The following PLCB4 variants were observed in gnomAD, a reference collection of about 807,000 sequenced individuals.
PLCB4 encodes phospholipase C beta 4.
In PLCB4, 77 loss-of-function variants were observed where a neutral mutation model predicts 178.8. That is an observed-to-expected ratio of 0.43 (90% CI 0.36 to 0.52). PLCB4 has a LOEUF of 0.52. Among genes scored for constraint, PLCB4 ranks in the 20% least tolerant of loss-of-function variants. The probability of loss-of-function intolerance (pLI) is 0.00; values close to 1 mark genes in which losing one functional copy is unlikely to be tolerated. For missense variants in PLCB4, 1,024 were observed against 1,453.4 expected, an observed-to-expected ratio of 0.70 and a Z score of 4.80; for synonymous variants, 496 against 490.8, an observed-to-expected ratio of 1.01 and a Z score of -0.14.
In PLCB4 at chr20:9,153,853, A is replaced by C. The variant is rs74771003; in HGVS notation, c.-79+57511A>C. Among the ~76,000 whole-genome samples, 5 of 152,312 alleles carry C rather than the reference A, an allele frequency of 3.3e-5. No individual in the cohort carries two copies. In the East Asian group the frequency reaches 9.7e-4, roughly 29 times the overall value. ...ATAATCAACCAAAATTTTGCAAACA[A>C]GGTGGGCATTTAGGTATGTAGGTGT... On this transcript the variant is annotated intron_variant, in intron 2 of 39. Transcript: ENST00000378473.
chr20:9,121,139 T>C (rs2091951947), intron 2 of PLCB4, among the ~76,000 whole-genome samples: 1 of 152,038 alleles, frequency 6.6e-6, no homozygotes, highest in Non-Finnish European at 1.5e-5. Flanking sequence ...TACCTGTCAA[T>C]TTCCAGAAGG....
At chr20:9,312,397 C>CACAT (rs57947190) in intron 4 of PLCB4, among the ~76,000 whole-genome samples, 1 of 149,354 alleles carries the variant, frequency 6.7e-6, no homozygotes, top group Non-Finnish European at 1.5e-5. Flanking sequence ...CACACACACA[C>CACAT]GCACGCACTC....
At chr20:9,309,178 A>T (rs2094803143) in intron 4 of PLCB4, among the ~76,000 whole-genome samples, 1 of 152,168 alleles carries the variant, frequency 6.6e-6, no homozygotes. Flanking sequence ...GCTCCTGCTT[A>T]ATTACCTCAC....
rs541271998 is a variant in PLCB4, at chr20:9,365,575, A to C, written c.503+61A>C. 30 of 930,678 alleles carry C rather than the reference A, an allele frequency of 3.2e-5. No individual in the cohort carries two copies. The South Asian group carries it at 3.9e-4, about 12-fold the overall frequency. The allele number at this position is 930,678 out of a possible 1,614,324, so 57.7% of individuals were successfully genotyped here. ...GGTCAACGCTTGTCATCCCAAACCA[A>C]AGAGAGAACCCTTCACAAGTATTTG... On this transcript the variant is annotated intron_variant, in intron 9 of 39. Coordinates refer to ENST00000378473, the MANE Select transcript of PLCB4 (RefSeq NM_001377142.1).
chr20:9,221,837 T>G (rs2093802398), intron 3 of PLCB4, among the ~76,000 whole-genome samples: 2 of 152,262 alleles, frequency 1.3e-5, no homozygotes, highest in South Asian at 4.1e-4. Flanking sequence ...TGTGATTGTA[T>G]GATTGGAGAT....
intron 2 of PLCB4, among the ~76,000 whole-genome samples, chr20:9,155,796 A>C (rs2092777407): frequency 1.3e-5 from 2 of 152,120 alleles, no homozygotes; most frequent in South Asian, 4.1e-4. Context: ...TCTGTAGCTA[A>C]ACTCCCAGGG....
At chr20:9,452,345 G>A (rs540854016) in intron 32 of PLCB4, among the ~76,000 whole-genome samples, 8 of 152,238 alleles carry the variant, frequency 5.3e-5, no homozygotes, top group South Asian at 2.1e-4. Context: ...TTAAATTAAG[G>A]CACTATTTTC....
chr20:9,187,932 A>G (rs900684304), intron 2 of PLCB4, among the ~76,000 whole-genome samples: 7 of 152,200 alleles, frequency 4.6e-5, no homozygotes, highest in African/African-American at 1.7e-4. Context: ...TTAATACAAA[A>G]TGGGTTATAA....
At chr20:9,359,281 G>A (rs2035114011) in intron 7 of PLCB4, among the ~76,000 whole-genome samples, 1 of 152,228 alleles carries the variant, frequency 6.6e-6, no homozygotes, top group East Asian at 1.9e-4. Context: ...AGTTGGACAG[G>A]GCCTGGGGTG....
chr20:9,320,876 CT>C (rs2094952099), intron 4 of PLCB4, among the ~76,000 whole-genome samples: 1 of 152,104 alleles, frequency 6.6e-6, no homozygotes, highest in African/African-American at 2.4e-5. Flanking sequence ...ATCAGAAACT[CT>C]GGGGGGAGGG....
At chr20:9,187,606 T>G (rs1207039035) in intron 2 of PLCB4, among the ~76,000 whole-genome samples, 1 of 152,220 alleles carries the variant, frequency 6.6e-6, no homozygotes, top group African/African-American at 2.4e-5. Flanking sequence ...GAAACATTAC[T>G]GGTTGAATGG....
chr20:9,223,970 TG>T (rs2093831722), intron 3 of PLCB4, among the ~76,000 whole-genome samples: 1 of 152,198 alleles, frequency 6.6e-6, no homozygotes, highest in Non-Finnish European at 1.5e-5. Flanking sequence ...TTCCTCAGAA[TG>T]GGATACAATT....
intron 3 of PLCB4, among the ~76,000 whole-genome samples, chr20:9,246,347 C>T (rs1023013623): frequency 1.3e-5 from 2 of 152,116 alleles, no homozygotes; most frequent in African/African-American, 2.4e-5. Flanking sequence ...TTGCACCAAC[C>T]TAATAGTTCT....
At chr20:9,323,894 C>T (rs1450727762) in intron 4 of PLCB4, among the ~76,000 whole-genome samples, 1 of 152,166 alleles carries the variant, frequency 6.6e-6, no homozygotes, top group African/African-American at 2.4e-5. Flanking sequence ...GAGACAATTC[C>T]TCCCCAGTTC....
intron 7 of PLCB4, among the ~76,000 whole-genome samples, chr20:9,341,551 C>T (rs537177117): frequency 6.6e-5 from 10 of 151,842 alleles, no homozygotes; most frequent in East Asian, 3.9e-4. Context: ...ATCATCCTCA[C>T]GTTGAGTAAG....
intron 3 of PLCB4, among the ~76,000 whole-genome samples, chr20:9,238,328 A>G (rs768971991): frequency 3.3e-5 from 5 of 152,224 alleles, no homozygotes; most frequent in African/African-American, 4.8e-5. Flanking sequence ...GTCCTTTGCC[A>G]ACAGCCTGAG....
intron 2 of PLCB4, among the ~76,000 whole-genome samples, chr20:9,099,671 C>A (rs186586176): frequency 6.6e-5 from 10 of 152,200 alleles, no homozygotes; most frequent in Admixed American, 5.2e-4. Context: ...AAAGCTATTC[C>A]TAGGGGCTTT....
At position 9,408,723 on chromosome 20, in the gene PLCB4, C is replaced by CT; in HGVS notation, c.1874+8dup. 2.0e-6 allele frequency: 3 copies of CT among 1,476,924 alleles called. No individual in the cohort carries two copies. Among genetic ancestry groups the CT allele is most frequent in the Non-Finnish European group, 2.8e-6 (3 of 1,055,868 alleles). 91.5% of individuals were successfully genotyped at this position (1,476,924 alleles called of 1,614,324 possible). A position where few individuals can be genotyped will look rare whatever the true frequency, so the allele number is the denominator to read the frequency against. On this transcript the variant is annotated splice_region_variant and intron_variant, in intron 23 of 39. Coordinates refer to ENST00000378473, the MANE Select transcript of PLCB4 (RefSeq NM_001377142.1). ...CATGCAATTGAATTTGTCAAGTATCCTTATGTATCAAGTGGAATGAGTGGT... is the reference window on the plus strand; with the variant it reads ...CATGCAATTGAATTTGTCAAGTATCCTTTATGTATCAAGTGGAATGAGTGGT...
intron 2 of PLCB4, among the ~76,000 whole-genome samples, chr20:9,213,658 T>C (rs904530595): frequency 1.3e-5 from 2 of 152,222 alleles, no homozygotes; most frequent in Admixed American, 6.5e-5. Flanking sequence ...TATGTTTTCA[T>C]TTTTTCTTGG....
Sources: allele counts gnomAD v4.1 joint callset (sites outside exome capture counted in the v4.1 genomes callset), GRCh38; gene constraint gnomAD v4.1.1; transcripts MANE v1.5; gene names NCBI Gene and HGNC (gene_info 2026-07-23, HGNC 2026-07-21).